Variants in EYS observed in about 807,000 individuals in gnomAD.
EYS encodes the protein protein eyes shut homolog.
Under a neutral mutation model 282.1 loss-of-function variants are expected in EYS, and 250 were observed. The observed-to-expected ratio is 0.89, with a 90% CI of 0.80 to 0.98. The LOEUF (loss-of-function observed/expected upper bound fraction) is 0.98. Among genes scored for constraint, EYS ranks in the 50% least tolerant of loss-of-function variants. The pLI is 0.00. For synonymous variants in EYS, 1,355 were observed against 1,282.9 expected (o/e 1.06, Z -1.20); for missense variants, 4,016 against 3,709.0 (o/e 1.08, Z -2.15).
At chr6:64,370,274 G>T (rs1263254655) in intron 29 of EYS, among the ~76,000 whole-genome samples, 1 of 152,040 alleles carries the variant, frequency 6.6e-6, no homozygotes, top group Non-Finnish European at 1.5e-5. Context: ...ATTATCTATT[G>T]TGATGTCCAT....
chr6:65,680,475 A>G (rs1768776959), intron 1 of EYS, among the ~76,000 whole-genome samples: 1 of 151,964 alleles, frequency 6.6e-6, no homozygotes, highest in Admixed American at 6.6e-5. Context: ...TAGTAAAGAA[A>G]ATAATATAAG....
intron 31 of EYS, among the ~76,000 whole-genome samples, chr6:64,228,103 A>G (rs1766304295): frequency 6.6e-6 from 1 of 152,160 alleles, no homozygotes; most frequent in Non-Finnish European, 1.5e-5. Flanking sequence ...CTTAGGCAGT[A>G]GCAGTAGTCG....
intron 26 of EYS, among the ~76,000 whole-genome samples, chr6:64,448,053 C>G (rs182031246): frequency 6.6e-6 from 1 of 152,322 alleles, no homozygotes; most frequent in Admixed American, 6.5e-5. Flanking sequence ...CTAAGCAGGG[C>G]GAGGCATTAC....
At chr6:64,225,277 T>G (rs1237072598) in intron 31 of EYS, among the ~76,000 whole-genome samples, 1 of 152,136 alleles carries the variant, frequency 6.6e-6, no homozygotes, top group African/African-American at 2.4e-5. Flanking sequence ...CCAGAGGTCC[T>G]GTGGTAGGCA....
At chr6:64,201,004 C>A (rs1765445842) in intron 31 of EYS, among the ~76,000 whole-genome samples, 1 of 152,054 alleles carries the variant, frequency 6.6e-6, no homozygotes, top group South Asian at 2.1e-4. Context: ...AGAAATTCAC[C>A]AAACTCTGGA....
intron 30 of EYS, among the ~76,000 whole-genome samples, chr6:64,295,201 C>A (rs986866027): frequency 6.7e-6 from 1 of 149,198 alleles, no homozygotes; most frequent in African/African-American, 2.5e-5. Flanking sequence ...GGTGAAACCC[C>A]GTCTCTACTA....
rs545188510 is a variant in EYS at position 64,488,111 on chromosome 6, T to G, written c.5645-48759A>C. ...TTAAATACATGAAACTGTTAAGTTG[T>G]TTTGACCTATTTTCAAAAAAGGATG... is the stretch of plus-strand genomic sequence containing the variant. On this transcript the variant is annotated intron_variant, in intron 26 of 42. Transcript: ENST00000503581. Among the ~76,000 whole-genome samples the G allele has an allele frequency of 2.1e-4, 32 of 151,202 alleles. 1 individual carries two copies. Among genetic ancestry groups the G allele is most frequent in the Middle Eastern group, 3.4e-3 (1 of 294 alleles).
At chr6:63,758,333 G>A (rs1031922395) in intron 41 of EYS, among the ~76,000 whole-genome samples, 2 of 151,814 alleles carry the variant, frequency 1.3e-5, no homozygotes, top group African/African-American at 4.8e-5. Flanking sequence ...TAAAATAGGA[G>A]GTTTAAAATA....
intron 31 of EYS, among the ~76,000 whole-genome samples, chr6:64,106,215 T>C (rs1004022945): frequency 1.3e-5 from 2 of 152,138 alleles, no homozygotes; most frequent in Admixed American, 1.3e-4. Flanking sequence ...AGTATATCAA[T>C]TGAACTTTTT....
At chr6:64,523,422 G>A (rs1326806122) in intron 26 of EYS, among the ~76,000 whole-genome samples, 3 of 151,602 alleles carry the variant, frequency 2.0e-5, no homozygotes, top group Non-Finnish European at 3.0e-5. Flanking sequence ...TGTGACTGTA[G>A]GATTTTAATT....
intron 28 of EYS, among the ~76,000 whole-genome samples, chr6:64,407,460 T>G (rs966772305): frequency 6.6e-6 from 1 of 151,908 alleles, no homozygotes; most frequent in Non-Finnish European, 1.5e-5. Flanking sequence ...AAAAAAGGAA[T>G]AAAAAGGGTT....
At chr6:64,418,208 T>C (rs1466426857) in intron 28 of EYS, among the ~76,000 whole-genome samples, 1 of 152,156 alleles carries the variant, frequency 6.6e-6, no homozygotes, top group Non-Finnish European at 1.5e-5. Flanking sequence ...TGTAGCTATC[T>C]ACGTAACACC....
In EYS at chr6:64,626,310, C is replaced by G. The variant is rs182961991; in HGVS notation, c.3444-65G>C. The G allele has an allele frequency of 3.8e-5, 56 of 1,477,380 alleles. No individual in the cohort carries two copies. In the African/African-American group the frequency reaches 6.9e-4, roughly 18 times the overall value. 91.5% of individuals were successfully genotyped at this position (1,477,380 alleles called of 1,614,324 possible). The stretch of plus-strand genomic sequence containing the variant: ...ACACATGAGCACTATCACTTTTCAT[C>G]TTGGGATTCCATCATTCAAACGTGT... On this transcript the variant is annotated intron_variant, in intron 22 of 42. Transcript: ENST00000503581.
chr6:64,293,864 G>A (rs544871543), intron 30 of EYS, among the ~76,000 whole-genome samples: 43 of 152,062 alleles, frequency 2.8e-4, no homozygotes, highest in Non-Finnish European at 4.9e-4. Context: ...TGCTTCTGTA[G>A]GGAAGAAACT....
intron 2 of EYS, among the ~76,000 whole-genome samples, chr6:65,598,523 C>A (rs1349694431): frequency 6.6e-6 from 1 of 152,108 alleles, no homozygotes; most frequent in Non-Finnish European, 1.5e-5. Flanking sequence ...TGCCTACATG[C>A]AGCAGAATGA....
At chr6:64,362,232 T>C (rs542084691) in intron 29 of EYS, among the ~76,000 whole-genome samples, 10 of 151,912 alleles carry the variant, frequency 6.6e-5, no homozygotes, top group African/African-American at 2.2e-4. Context: ...ATAATTTGCA[T>C]AAGCAACAAA....
At chr6:64,376,333 A>G (rs1772560208) in intron 29 of EYS, among the ~76,000 whole-genome samples, 1 of 152,168 alleles carries the variant, frequency 6.6e-6, no homozygotes, top group Non-Finnish European at 1.5e-5. Context: ...AACTCACACT[A>G]AAGATACAGA....
intron 2 of EYS, among the ~76,000 whole-genome samples, chr6:65,562,436 T>TAAGGACAGAATGGAAAGAATGA (rs559052202): frequency 3.3e-5 from 5 of 151,906 alleles, no homozygotes; most frequent in Non-Finnish European, 7.4e-5. Context: ...GTAGTTAACA[T>TAAGGACAGAATGGAAAGAATGA]AAGGACAGAA....
chr6:64,379,708 C>T (rs1772682014), intron 29 of EYS: 1 of 152,040 alleles, frequency 6.6e-6, no homozygotes. Flanking sequence ...GTGAGGTGAT[C>T]TTAGGTGAGC....
Sources: allele counts gnomAD v4.1 joint callset (sites outside exome capture counted in the v4.1 genomes callset), GRCh38; gene constraint gnomAD v4.1.1; transcripts MANE v1.5; gene names NCBI Gene and HGNC (gene_info 2026-07-23, HGNC 2026-07-21).